GTF3A: variants seen among roughly 807,000 people sequenced by gnomAD.
The protein encoded by GTF3A is transcription factor IIIA.
GTF3A carries 40 observed loss-of-function variants against 37.6 expected under a neutral mutation model. The observed-to-expected ratio is 1.06, with a 90% CI of 0.83 to 1.38. The LOEUF (loss-of-function observed/expected upper bound fraction) is 1.38, where lower values mean the gene tolerates loss of function less well. GTF3A is among the 40% of genes most tolerant of loss of function. GTF3A has a pLI of 0.00. For synonymous variants in GTF3A, 191 were observed against 166.7 expected (o/e 1.15, Z -1.12); for missense variants, 500 against 462.6 (o/e 1.08, Z -0.74).
intron 5 of GTF3A, among the ~76,000 whole-genome samples, chr13:27,433,720 G>A (rs1016920995): frequency 1.3e-5 from 2 of 152,114 alleles, no homozygotes; most frequent in African/African-American, 4.8e-5. Flanking sequence ...GAGGAAAATA[G>A]AGGCGAGGAT....
rs1457433045 is a variant in GTF3A at position 27,424,925 on chromosome 13, A to G, written c.188A>G (p.Lys63Arg). The change falls in exon 1 of 9, where the codon AAG becomes AGG. Residue 63 changes from lysine (K) to arginine (R), a missense_variant. Physicochemically the swap from Lys to Arg is conservative, Grantham distance 26. Transcript: ENST00000381140. ...TGGAAGCTTGACGCGCACCTGTGCA[A>G]GCACACGGGGGAGGTGAGGGGGGCG... 2 of 1,546,414 alleles carry G rather than the reference A, an allele frequency of 1.3e-6. No individual in the cohort carries two copies. The highest frequency in any genetic ancestry group is 1.7e-6 in the Non-Finnish European group (2 of 1,144,856).
chr13:27,427,783 ATC>A (rs1242417569), intron 2 of GTF3A, among the ~76,000 whole-genome samples: 1 of 150,626 alleles, frequency 6.6e-6, no homozygotes, highest in Non-Finnish European at 1.5e-5. Context: ...TAAAAATGTC[ATC>A]TGTTTTGGGA....
At chr13:27,432,617 G>A (rs1953667326) in intron 4 of GTF3A, 114 bp from the exon 5 acceptor site, 2 of 787,572 alleles carry the variant, frequency 2.5e-6, no homozygotes, top group Admixed American at 2.1e-5. Context: ...ACATGGGTTT[G>A]GTTATGGGAA....
At position 27,424,795 on chromosome 13, in the gene GTF3A, T is replaced by G; in HGVS notation, c.58T>G (p.Phe20Val). 1 of 1,545,106 alleles carries G rather than the reference T, an allele frequency of 6.5e-7. No homozygotes were observed. Among genetic ancestry groups the G allele is most frequent in the African/African-American group, 1.4e-5 (1 of 72,526 alleles). The stretch of plus-strand genomic sequence containing the variant: ...GTCGTCCTTGACCATCGCCGACGCG[T>G]TCATTGCAGCCGGCGAGAGCTCAGC... Residue 20 changes from phenylalanine to valine, a missense_variant, in exon 1 of 9, where the codon TTC (phenylalanine) becomes GTC (valine). Phe to Val is a conservative substitution (Grantham distance 50). Coordinates refer to ENST00000381140, the MANE Select transcript of GTF3A (RefSeq NM_002097.3).
Position 27,435,675 on chromosome 13 carries a change from T to TA in GTF3A, c.*78_*79insA. 4 of 1,613,424 alleles carry TA rather than the reference T, an allele frequency of 2.5e-6. No individual in the cohort carries two copies. The highest frequency in any genetic ancestry group is 3.4e-6 in the Non-Finnish European group (4 of 1,179,694). On this transcript the variant is annotated 3_prime_UTR_variant, in exon 9 of 9. Coordinates refer to ENST00000381140, the MANE Select transcript of GTF3A (RefSeq NM_002097.3). ...CAGAGCATGCTTTTCTTTATTAAAA[T>TA]TACTGATGCAGAACATTTGATTCCT... is the stretch of plus-strand genomic sequence containing the variant.
rs1197627201 is a variant in GTF3A, at chr13:27,435,191, A to G, written c.932A>G (p.Lys311Arg). The G allele has an allele frequency of 6.3e-7, 1 of 1,596,224 alleles. No homozygotes were observed. Among genetic ancestry groups the G allele is most frequent in the South Asian group, 1.1e-5 (1 of 87,044 alleles). The change falls in exon 8 of 9, where the codon AAA (lysine) becomes AGA (arginine). Residue 311 changes from lysine (K) to arginine (R), a missense_variant and splice_region_variant. Physicochemically the swap from Lys to Arg is conservative, Grantham distance 26. Transcript: ENST00000381140. The stretch of plus-strand genomic sequence containing the variant: ...CCTGACAAGAAGAAAATGAAGCTCA[A>G]AGTAAGTTGAAACTACTTAGGCAAG...
At chr13:27,432,689 G>C (rs1210004660) in intron 4 of GTF3A, 42 bp from the exon 5 acceptor site, 1 of 1,529,390 alleles carries the variant, frequency 6.5e-7, no homozygotes, top group Non-Finnish European at 8.9e-7. Context: ...GGAGTTCTCT[G>C]TGAAAATGGA....
chr13:27,426,047 C>G (rs1407829622), intron 1 of GTF3A: 1 of 152,612 alleles, frequency 6.6e-6, no homozygotes, highest in Non-Finnish European at 1.5e-5. Context: ...ACATAGCCAC[C>G]GGCATGACTC....
At position 27,434,795 on chromosome 13, in the gene GTF3A, G is replaced by C; in HGVS notation, c.644-10G>C. The C allele has an allele frequency of 6.5e-7, 1 of 1,543,138 alleles. No individual in the cohort carries two copies. The highest frequency in any genetic ancestry group is 8.9e-7 in the Non-Finnish European group (1 of 1,121,750). On this transcript the variant is annotated splice_polypyrimidine_tract_variant and intron_variant, in intron 6 of 8. Coordinates refer to ENST00000381140, the MANE Select transcript of GTF3A (RefSeq NM_002097.3). ...GGAAATTTGTGAAATTTGTCTGTCT[G>C]TCCCACCAGAGGAAATACTATGTGA...
Position 27,434,810 on chromosome 13 carries a change from A to ATACT in GTF3A, c.650_653dup (p.Cys219ThrfsTer3), listed in dbSNP as rs1178681885. ...TTGTCTGTCTGTCCCACCAGAGGAA[A>ATACT]TACTATGTGAAGTATGCCGGAAAAC... is the stretch of plus-strand genomic sequence containing the variant. On this transcript the variant is annotated frameshift_variant, in exon 7 of 9. Transcript: ENST00000381140. LOFTEE classifies it high-confidence loss of function. The ATACT allele has an allele frequency of 7.5e-6, 12 of 1,598,242 alleles. No homozygotes were observed. The highest frequency in any genetic ancestry group is 1.7e-5 in the Admixed American group (1 of 59,084).
chr13:27,434,669 G>T, intron 6 of GTF3A, 136 bp from the exon 7 acceptor site: 1 of 595,384 alleles, frequency 1.7e-6, no homozygotes, highest in Non-Finnish European at 3.0e-6. Context: ...AACTGGGGTT[G>T]TTTCCTTGGG....
chr13:27,425,765 G>A (rs1163368757), intron 1 of GTF3A: 1 of 152,140 alleles, frequency 6.6e-6, no homozygotes, highest in Non-Finnish European at 1.5e-5. Flanking sequence ...GGCAGAGCTA[G>A]GCTTCACACT....
chr13:27,424,666 G>T lies in GTF3A; in HGVS notation c.-72G>T. On this transcript the variant is annotated 5_prime_UTR_variant, in exon 1 of 9. Coordinates refer to ENST00000381140, the MANE Select transcript of GTF3A (RefSeq NM_002097.3). Reference sequence around the variant, plus strand: ...GGTTCAGCAGGGAGCCGTGGGCCGGGCGCGCCGGTTCCCGGCACGTGTCTC... The same window carrying T: ...GGTTCAGCAGGGAGCCGTGGGCCGGTCGCGCCGGTTCCCGGCACGTGTCTC... The T allele has an allele frequency of 8.7e-7, 1 of 1,150,418 alleles. No homozygotes were observed. Among genetic ancestry groups the T allele is most frequent in the South Asian group, 2.0e-5 (1 of 50,066 alleles). The allele number at this position is 1,150,418 out of a possible 1,614,324, so 71.3% of individuals were successfully genotyped here.
rs547456653 is a variant in GTF3A at position 27,427,287 on chromosome 13, G to T, written c.302+95G>T. 8.2e-5 allele frequency: 58 copies of T among 709,082 alleles called. No individual in the cohort carries two copies. The South Asian group carries it at 8.6e-4, about 10-fold the overall frequency. The allele number at this position is 709,082 out of a possible 1,614,324, so 43.9% of individuals were successfully genotyped here. ...GATGTTAACTCACGAGATCAGGAAT[G>T]TGAAGCCTGGCAGGGCTCGGTGGCT... On this transcript the variant is annotated intron_variant, in intron 2 of 8. Transcript: ENST00000381140.
chr13:27,429,145 G>A (rs1437762141), intron 2 of GTF3A: 1 of 150,528 alleles, frequency 6.6e-6, no homozygotes, highest in East Asian at 2.0e-4. Flanking sequence ...GGTCACTGCT[G>A]GCTTGTTTGT....
chr13:27,428,317 G>C (rs1175187570), intron 2 of GTF3A, among the ~76,000 whole-genome samples: 1 of 152,012 alleles, frequency 6.6e-6, no homozygotes, highest in Non-Finnish European at 1.5e-5. Flanking sequence ...TCCTGTAACT[G>C]ACCCATCAGA....
chr13:27,435,642 C>A lies in GTF3A; in HGVS notation c.*45C>A, dbSNP rs1185871479. 6.2e-7 allele frequency: 1 copy of A among 1,612,626 alleles called. No homozygotes were observed. Among genetic ancestry groups the A allele is most frequent in the East Asian group, 2.2e-5 (1 of 44,864 alleles). ...AAAGGACTGCAGACCAAGGAGCGAG[C>A]TTTCTCTCAGAGCATGCTTTTCTTT... On this transcript the variant is annotated 3_prime_UTR_variant, in exon 9 of 9. Coordinates refer to ENST00000381140, the MANE Select transcript of GTF3A (RefSeq NM_002097.3).
At chr13:27,432,875 G>T in intron 5 of GTF3A, 71 bp downstream of exon 5, 4 of 1,251,818 alleles carry the variant, frequency 3.2e-6, no homozygotes, top group South Asian at 1.3e-5. Flanking sequence ...TCTGTTCTGT[G>T]ATCACGCTGA....
At position 27,430,525 on chromosome 13, in the gene GTF3A, T is replaced by C; in HGVS notation, c.400-8T>C. ...CCATAAGACTAACGAGCCTTTACAA[T>C]TTAACAGTGCAGTTTTGAAGACTGT... On this transcript the variant is annotated splice_polypyrimidine_tract_variant and splice_region_variant and intron_variant, in intron 3 of 8. Transcript: ENST00000381140. 6.3e-7 allele frequency: 1 copy of C among 1,575,646 alleles called. No individual in the cohort carries two copies. Among genetic ancestry groups the C allele is most frequent in the Non-Finnish European group, 8.7e-7 (1 of 1,146,308 alleles).
Sources: allele counts gnomAD v4.1 joint callset (sites outside exome capture counted in the v4.1 genomes callset), GRCh38; gene constraint gnomAD v4.1.1; transcripts MANE v1.5; gene names NCBI Gene and HGNC (gene_info 2026-07-23, HGNC 2026-07-21).